The following LCORL variants were observed in gnomAD, a reference collection of about 807,000 sequenced individuals.
LCORL encodes ligand dependent nuclear receptor corepressor like.
In LCORL, 41 loss-of-function variants were observed where a neutral mutation model predicts 141.8. The observed-to-expected ratio is 0.29, with a 90% CI of 0.23 to 0.38. LCORL has a LOEUF of 0.38. Among genes scored for constraint, LCORL ranks in the 10% least tolerant of loss-of-function variants. The pLI is 1.00. For missense variants in LCORL, 1,759 were observed against 2,035.0 expected (o/e 0.86, Z 2.61); for synonymous variants, 618 against 694.1 (o/e 0.89, Z 1.72).
chr4:17,954,590 TG>T (rs34067272), intron 4 of LCORL, among the ~76,000 whole-genome samples: 110,662 of 152,020 alleles, frequency 0.73, 40,526 homozygotes, highest in South Asian at 0.85. Context: ...ATTGGTAAGA[TG>T]GGGGGAGAAG....
rs576892218 is a variant in LCORL at position 17,952,925 on chromosome 4, G to A, written c.430+8978C>T. Among the ~76,000 whole-genome samples, 4 of 151,708 alleles carry A rather than the reference G, an allele frequency of 2.6e-5. No homozygotes were observed. The South Asian group carries it at 6.3e-4, about 24-fold the overall frequency. ...CCTCAAGTAGGCCCCAGTGTCTATGGTTCTCCTCTTTGTGCCCATTAGTTC... is the reference window on the plus strand; with the variant it reads ...CCTCAAGTAGGCCCCAGTGTCTATGATTCTCCTCTTTGTGCCCATTAGTTC... On this transcript the variant is annotated intron_variant, in intron 4 of 7. Transcript: ENST00000635767.
chr4:17,873,427 T>C lies in LCORL; in HGVS notation c.5563A>G (p.Asn1855Asp), dbSNP rs1413173018. The C allele has an allele frequency of 3.2e-6, 4 of 1,233,782 alleles. No individual in the cohort carries two copies. In the Admixed American group the frequency reaches 1.7e-4, roughly 52 times the overall value. The allele number at this position is 1,233,782 out of a possible 1,614,324, so 76.4% of individuals were successfully genotyped here. A position where few individuals can be genotyped will look rare whatever the true frequency, so the allele number is the denominator to read the frequency against. Residue 1855 changes from asparagine to aspartate, a missense_variant, in exon 7 of 8, where the codon AAC (asparagine) becomes GAC (aspartate). Physicochemically the swap from Asn to Asp is conservative, Grantham distance 23. Coordinates refer to ENST00000635767, the Ensembl canonical transcript of LCORL. The stretch of plus-strand genomic sequence containing the variant: ...AAATAGTTTGCCATTTGTCCACTGT[T>C]GCAAGACTGTCGTTTATGTCTTTTT...
At chr4:17,841,852 A>T (rs879790517) in exon 8 of LCORL, 1 of 154,402 alleles carries the variant, frequency 6.5e-6, no homozygotes, top group Non-Finnish European at 1.4e-5. Flanking sequence ...AGAAGCCATT[A>T]TTACCTTACT....
chr4:17,881,652 T>C (rs750056820), intron 6 of LCORL: 2 of 962,492 alleles, frequency 2.1e-6, no homozygotes, highest in Non-Finnish European at 2.5e-6. Context: ...ACAAAAGTGT[T>C]CTGTAAGTTT....
chr4:17,882,746 ATAG>A (rs1327930007), intron 6 of LCORL: 5 of 983,852 alleles, frequency 5.1e-6, no homozygotes, highest in African/African-American at 3.5e-5. Flanking sequence ...AGGTTTTTCA[ATAG>A]TAGGAGTGTG....
At position 17,884,772 on chromosome 4, in the gene LCORL, C is replaced by A; in HGVS notation, c.776+1296G>T. 1 of 1,318,868 alleles carries A rather than the reference C, an allele frequency of 7.6e-7. No individual in the cohort carries two copies. The highest frequency in any genetic ancestry group is 1.0e-6 in the Non-Finnish European group (1 of 987,882). The allele number at this position is 1,318,868 out of a possible 1,614,324, so 81.7% of individuals were successfully genotyped here. On this transcript the variant is annotated intron_variant, in intron 6 of 7. Coordinates refer to ENST00000635767, the Ensembl canonical transcript of LCORL. This position sits in a 1 kb window ranked among gnomAD's most constrained non-coding sequence, Gnocchi z 4.4. ...AGTCTCCTGGATGGATGGAATGAAA[C>A]GATGGTAAACTGATGCATGAGAGAC...
chr4:17,990,088 C>A (rs1719691723), intron 1 of LCORL, among the ~76,000 whole-genome samples: 1 of 150,758 alleles, frequency 6.6e-6, no homozygotes, highest in Non-Finnish European at 1.5e-5. Flanking sequence ...AAAAAGAAAA[C>A]TCTCTGCGTT....
chr4:17,890,613 T>G (rs1728935307), intron 5 of LCORL, among the ~76,000 whole-genome samples: 1 of 152,074 alleles, frequency 6.6e-6, no homozygotes, highest in Non-Finnish European at 1.5e-5. Flanking sequence ...ATTTACTGGT[T>G]GGAGACGGGT....
chr4:17,889,722 AAAGC>A (rs1728811438), intron 5 of LCORL, among the ~76,000 whole-genome samples: 1 of 151,942 alleles, frequency 6.6e-6, no homozygotes, highest in Admixed American at 6.6e-5. Context: ...AAGGATAGAG[AAAGC>A]CCAGGAATGG....
intron 1 of LCORL, among the ~76,000 whole-genome samples, chr4:17,984,879 G>C (rs561629915): frequency 1.3e-5 from 2 of 151,906 alleles, no homozygotes; most frequent in South Asian, 2.1e-4. Flanking sequence ...TCTAACTTTT[G>C]ATGTGGGCAT....
At chr4:17,930,399 A>C (rs574987468) in intron 4 of LCORL, among the ~76,000 whole-genome samples, 6 of 152,358 alleles carry the variant, frequency 3.9e-5, no homozygotes, top group African/African-American at 1.4e-4. Flanking sequence ...ACTTCAATAC[A>C]GTGTTAAATA....
chr4:17,868,292 A>G (rs762784994), intron 7 of LCORL, among the ~76,000 whole-genome samples: 10 of 152,172 alleles, frequency 6.6e-5, no homozygotes, highest in Admixed American at 5.2e-4. Flanking sequence ...GACAGATGGC[A>G]AAATAGAAGA....
At chr4:17,950,211 T>C (rs1464554346) in intron 4 of LCORL, among the ~76,000 whole-genome samples, 1 of 152,140 alleles carries the variant, frequency 6.6e-6, no homozygotes, top group African/African-American at 2.4e-5. Flanking sequence ...ATCATAAAAC[T>C]TGCATATGAA....
intron 5 of LCORL, among the ~76,000 whole-genome samples, chr4:17,906,543 T>C (rs1731648465): frequency 6.6e-6 from 1 of 152,306 alleles, no homozygotes; most frequent in South Asian, 2.1e-4. Context: ...AACTCAGGAT[T>C]TTCACATATA....
At chr4:17,912,488 A>G in intron 4 of LCORL, 1 of 519,326 alleles carries the variant, frequency 1.9e-6, no homozygotes, top group Non-Finnish European at 3.7e-6. Context: ...AAGAACCGAC[A>G]GGAACTAGAC....
At chr4:17,912,927 G>T in intron 4 of LCORL, 1 of 470,328 alleles carries the variant, frequency 2.1e-6, no homozygotes, top group East Asian at 5.3e-5. Context: ...ACCGGATAGT[G>T]GATGGCAAAG....
At chr4:17,866,555 A>G (rs886720039) in intron 7 of LCORL, among the ~76,000 whole-genome samples, 1 of 152,190 alleles carries the variant, frequency 6.6e-6, no homozygotes, top group African/African-American at 2.4e-5. Context: ...ACAGAAAAAA[A>G]GTAGCAAATA....
chr4:17,877,827 C>T (rs1727081132), exon 7 of LCORL: 1 of 1,230,536 alleles, frequency 8.1e-7, no homozygotes, highest in African/African-American at 1.6e-5. Context: ...GTCTGCAATT[C>T]CTCTATTCAC....
At chr4:17,877,518 T>C in exon 7 of LCORL, 1 of 1,230,336 alleles carries the variant, frequency 8.1e-7, no homozygotes, top group Non-Finnish European at 1.0e-6. Context: ...TTTATCTTGA[T>C]GATCACTCTT....
Sources: allele counts gnomAD v4.1 joint callset (sites outside exome capture counted in the v4.1 genomes callset), GRCh38; gene constraint gnomAD v4.1.1; non-coding constraint Gnocchi (gnomAD v3.1); transcripts MANE v1.5; gene names NCBI Gene and HGNC (gene_info 2026-07-23, HGNC 2026-07-21).